FSTL5: variants seen among roughly 807,000 people sequenced by gnomAD.
The protein encoded by FSTL5 is follistatin-related protein 5.
FSTL5 carries 62 observed loss-of-function variants against 89.1 expected under a neutral mutation model. That is an observed-to-expected ratio of 0.70 (90% CI 0.57 to 0.86). The LOEUF (loss-of-function observed/expected upper bound fraction) is 0.86, where lower values mean the gene tolerates loss of function less well. Among genes scored for constraint, FSTL5 ranks in the 40% least tolerant of loss-of-function variants. The probability of loss-of-function intolerance (pLI) is 0.00; values close to 1 mark genes in which losing one functional copy is unlikely to be tolerated. For synonymous variants in FSTL5, 383 were observed against 346.2 expected (o/e 1.11, Z -1.18); for missense variants, 1,057 against 1,001.6 (o/e 1.06, Z -0.75).
rs200150277 is a variant in FSTL5 at position 161,510,398 on chromosome 4, C to T, written c.1339G>A (p.Gly447Ser). The change falls in exon 11 of 16, where the codon GGT becomes AGT. Residue 447 changes from glycine to serine, a missense_variant and splice_region_variant. By Grantham distance (56) the Gly-to-Ser change is moderately conservative (BLOSUM62 0). Around this residue, in one of 3 missense-constraint regions of FSTL5, gnomAD observed 980 missense variants for 903.2 expected, o/e 1.08. Transcript: ENST00000306100. ...TLANILWREE[G>S]LGIGNMFYVF... is the part of the protein sequence containing the mutation. The stretch of plus-strand genomic sequence containing the variant: ...ACATAAAAATAATTCAACTTAGTAC[C>T]TTCTTCTCTCCATAATATGTTAGCT... The T allele has an allele frequency of 6.5e-7, 1 of 1,531,532 alleles. No homozygotes were observed. 94.9% of individuals were successfully genotyped at this position (1,531,532 alleles called of 1,614,324 possible).
intron 6 of FSTL5, among the ~76,000 whole-genome samples, chr4:161,714,483 T>C (rs1389311931): frequency 6.6e-6 from 1 of 152,154 alleles, no homozygotes; most frequent in African/African-American, 2.4e-5. Flanking sequence ...ATTTTAAAAA[T>C]GGGTTTCAAA....
In FSTL5 at chr4:161,665,076, C is replaced by A. The variant is rs74325865; in HGVS notation, c.728-8582G>T. Among the ~76,000 whole-genome samples, 920 of 152,128 alleles carry A rather than the reference C, an allele frequency of 6.0e-3. 9 individuals are homozygous for A. Among genetic ancestry groups the A allele is most frequent in the South Asian group, 0.046 (220 of 4,814 alleles). ...TTAAAGTTGAGATTTGGGTGCAGACCCAGCTAAACCATGTCAGTCACTTAA... is the reference window on the plus strand; with the variant it reads ...TTAAAGTTGAGATTTGGGTGCAGACACAGCTAAACCATGTCAGTCACTTAA... On this transcript the variant is annotated intron_variant, in intron 6 of 15. Transcript: ENST00000306100.
chr4:161,628,200 G>A (rs999767549), intron 7 of FSTL5, among the ~76,000 whole-genome samples: 1 of 152,176 alleles, frequency 6.6e-6, no homozygotes, highest in Non-Finnish European at 1.5e-5. Flanking sequence ...TGTCTGGCAT[G>A]TGATAGGCAC....
At chr4:162,029,607 C>A (rs1737438569) in intron 3 of FSTL5, among the ~76,000 whole-genome samples, 1 of 152,032 alleles carries the variant, frequency 6.6e-6, no homozygotes, top group Admixed American at 6.6e-5. Flanking sequence ...TGGCAAAAGT[C>A]CTAGACACTT....
intron 7 of FSTL5, among the ~76,000 whole-genome samples, chr4:161,595,418 T>C (rs1273520182): frequency 2.6e-5 from 4 of 152,072 alleles, no homozygotes; most frequent in Non-Finnish European, 5.9e-5. Context: ...TATGAGCCTC[T>C]ACACCATTAC....
intron 7 of FSTL5, among the ~76,000 whole-genome samples, chr4:161,650,345 T>C (rs1266758718): frequency 1.3e-5 from 2 of 152,142 alleles, no homozygotes; most frequent in African/African-American, 2.4e-5. Context: ...ACTTACCAAA[T>C]ATAGCATTAG....
chr4:161,478,289 A>G (rs1456148421), intron 13 of FSTL5, among the ~76,000 whole-genome samples: 1 of 152,134 alleles, frequency 6.6e-6, no homozygotes, highest in East Asian at 1.9e-4. Flanking sequence ...CATCACTAAC[A>G]CCAAATTACT....
intron 7 of FSTL5, among the ~76,000 whole-genome samples, chr4:161,634,386 G>A (rs1735616648): frequency 6.6e-6 from 1 of 152,134 alleles, no homozygotes. Context: ...CCTCACTACT[G>A]AATTTGTATC....
chr4:161,622,379 T>A (rs1045058477), intron 7 of FSTL5, among the ~76,000 whole-genome samples: 1 of 152,074 alleles, frequency 6.6e-6, no homozygotes, highest in African/African-American at 2.4e-5. Context: ...GAACATATGT[T>A]ATGAAGTCAG....
At chr4:161,697,257 CT>C (rs539718470) in intron 6 of FSTL5, among the ~76,000 whole-genome samples, 79 of 152,234 alleles carry the variant, frequency 5.2e-4, no homozygotes, top group African/African-American at 1.8e-3. Flanking sequence ...ATTTACCAGA[CT>C]TTTTTTGTCA....
intron 3 of FSTL5, among the ~76,000 whole-genome samples, chr4:161,986,624 G>C (rs923657516): frequency 6.6e-6 from 1 of 152,172 alleles, no homozygotes; most frequent in Admixed American, 6.5e-5. Context: ...TTTGTAATTA[G>C]TTCAAATATA....
At chr4:161,689,294 G>T (rs1370437924) in intron 6 of FSTL5, among the ~76,000 whole-genome samples, 1 of 152,070 alleles carries the variant, frequency 6.6e-6, no homozygotes, top group Non-Finnish European at 1.5e-5. Context: ...CTTTAGCTCA[G>T]TTCTATAGAA....
chr4:161,405,613 A>T (rs902761587), intron 15 of FSTL5, among the ~76,000 whole-genome samples: 2 of 152,192 alleles, frequency 1.3e-5, no homozygotes, highest in Non-Finnish European at 2.9e-5. Flanking sequence ...GAGAGGAGAG[A>T]TCACAGAAAA....
At chr4:161,974,015 C>T (rs1163175867) in intron 3 of FSTL5, among the ~76,000 whole-genome samples, 1 of 152,084 alleles carries the variant, frequency 6.6e-6, no homozygotes, top group African/African-American at 2.4e-5. Flanking sequence ...ACAATTGCTT[C>T]AAAGAGAATA....
At chr4:161,989,588 T>C (rs1736055673) in intron 3 of FSTL5, among the ~76,000 whole-genome samples, 1 of 152,120 alleles carries the variant, frequency 6.6e-6, no homozygotes, top group South Asian at 2.1e-4. Flanking sequence ...TGCGACTTTA[T>C]TGAAATATCA....
chr4:161,913,480 T>TC (rs1560913245), intron 4 of FSTL5, among the ~76,000 whole-genome samples: 1 of 152,154 alleles, frequency 6.6e-6, no homozygotes, highest in Non-Finnish European at 1.5e-5. Flanking sequence ...CCATGTGGCA[T>TC]TGAGCCTGCG....
chr4:161,870,917 G>T (rs1159788552), intron 4 of FSTL5, among the ~76,000 whole-genome samples: 1 of 152,036 alleles, frequency 6.6e-6, no homozygotes, highest in Non-Finnish European at 1.5e-5. Context: ...AATAAAGCTT[G>T]TTGAGGCAAA....
intron 7 of FSTL5, among the ~76,000 whole-genome samples, chr4:161,608,823 T>G (rs1032145026): frequency 1.3e-5 from 2 of 152,172 alleles, no homozygotes; most frequent in Middle Eastern, 3.4e-3. Flanking sequence ...ACTTTTCTCC[T>G]GCAAGTAGGC....
intron 2 of FSTL5, among the ~76,000 whole-genome samples, chr4:162,092,213 C>T (rs1001312927): frequency 5.3e-5 from 8 of 152,100 alleles, no homozygotes; most frequent in African/African-American, 1.4e-4. Context: ...TGAAATGTAC[C>T]AGGCATCTGC....
Sources: allele counts gnomAD v4.1 joint callset (sites outside exome capture counted in the v4.1 genomes callset), GRCh38; gene constraint gnomAD v4.1.1; regional missense constraint gnomAD v4.1.1; transcripts MANE v1.5; gene names NCBI Gene and HGNC (gene_info 2026-07-23, HGNC 2026-07-21).